CDH12: variants seen among roughly 807,000 people sequenced by gnomAD.
The protein encoded by CDH12 is cadherin-12.
Under a neutral mutation model 74.1 loss-of-function variants are expected in CDH12, and 41 were observed. The observed-to-expected ratio is 0.55, with a 90% CI of 0.43 to 0.72. CDH12 has a LOEUF of 0.72. Among genes scored for constraint, CDH12 ranks in the 30% least tolerant of loss-of-function variants. The pLI is 0.00. For missense variants in CDH12, 945 were observed against 977.2 expected, an observed-to-expected ratio of 0.97 and a Z score of 0.44; for synonymous variants, 399 against 355.0, an observed-to-expected ratio of 1.12 and a Z score of -1.39.
intron 2 of CDH12, among the ~76,000 whole-genome samples, chr5:22,501,466 G>A (rs1736140102): frequency 1.3e-5 from 2 of 152,084 alleles, no homozygotes; most frequent in South Asian, 4.1e-4. Context: ...GTCTGGTAGA[G>A]TCTACTTTGG....
At chr5:21,836,202 CTA>C (rs1275425381) in intron 8 of CDH12, among the ~76,000 whole-genome samples, 1 of 151,598 alleles carries the variant, frequency 6.6e-6, no homozygotes, top group Non-Finnish European at 1.5e-5. Context: ...TATAATACAA[CTA>C]TGTTTTATTC....
At chr5:21,776,477 C>T (rs536125209) in intron 11 of CDH12, among the ~76,000 whole-genome samples, 18 of 152,246 alleles carry the variant, frequency 1.2e-4, no homozygotes, top group South Asian at 4.1e-4. Flanking sequence ...AAGACCTGTT[C>T]GTGAATAGCA....
chr5:22,234,108 A>T (rs952107034), intron 3 of CDH12, among the ~76,000 whole-genome samples: 2 of 152,202 alleles, frequency 1.3e-5, no homozygotes, highest in African/African-American at 4.8e-5. Context: ...TAGGCTTTCA[A>T]ACTCATTTGT....
intron 2 of CDH12, among the ~76,000 whole-genome samples, chr5:22,461,659 C>T (rs1745530403): frequency 6.6e-6 from 1 of 151,774 alleles, no homozygotes; most frequent in Non-Finnish European, 1.5e-5. Context: ...ACATAGAAAA[C>T]TTTGAGGAGG....
At chr5:22,088,217 C>G (rs2150234791) in intron 4 of CDH12, among the ~76,000 whole-genome samples, 1 of 152,254 alleles carries the variant, frequency 6.6e-6, no homozygotes, top group East Asian at 1.9e-4. Context: ...TAGAAATGGT[C>G]TTAAGTGTAT....
chr5:22,493,245 T>C (rs954918597), intron 2 of CDH12, among the ~76,000 whole-genome samples: 3 of 152,150 alleles, frequency 2.0e-5, no homozygotes, highest in African/African-American at 4.8e-5. Flanking sequence ...ACTTCCTTGA[T>C]TGGCTTTATT....
intron 1 of CDH12, among the ~76,000 whole-genome samples, chr5:22,751,718 T>G (rs1192592001): frequency 1.3e-5 from 2 of 152,174 alleles, no homozygotes; most frequent in Non-Finnish European, 2.9e-5. Context: ...TTATTTGGTT[T>G]GGGTATGTTG....
At chr5:21,907,401 T>C (rs1224197566) in intron 6 of CDH12, among the ~76,000 whole-genome samples, 1 of 152,142 alleles carries the variant, frequency 6.6e-6, no homozygotes, top group Non-Finnish European at 1.5e-5. Context: ...GGGGACTATC[T>C]GTGAAACTGC....
At chr5:22,419,605 G>A (rs1743550025) in intron 2 of CDH12, among the ~76,000 whole-genome samples, 1 of 152,110 alleles carries the variant, frequency 6.6e-6, no homozygotes, top group Admixed American at 6.6e-5. Flanking sequence ...GCGCTGCAGT[G>A]AACATACATG....
intron 1 of CDH12, among the ~76,000 whole-genome samples, chr5:22,754,390 A>G (rs1486140622): frequency 6.6e-6 from 1 of 152,180 alleles, no homozygotes; most frequent in African/African-American, 2.4e-5. Context: ...ATGGGCATTG[A>G]GACAAGTGAA....
intron 3 of CDH12, among the ~76,000 whole-genome samples, chr5:22,230,684 T>A (rs1370791854): frequency 2.0e-5 from 3 of 151,900 alleles, no homozygotes; most frequent in African/African-American, 7.3e-5. Context: ...TTGGCCAGAA[T>A]GGTGTCGACC....
chr5:22,565,465 C>A (rs190923374), intron 1 of CDH12, among the ~76,000 whole-genome samples: 108 of 152,232 alleles, frequency 7.1e-4, no homozygotes, highest in Middle Eastern at 3.4e-3. Context: ...TATATTTTTA[C>A]AATTAACTCA....
rs574738242 is a variant in CDH12 at position 22,704,329 on chromosome 5, T to C, written c.-523+148729A>G. Among the ~76,000 whole-genome samples, 9 of 152,248 alleles carry C rather than the reference T, an allele frequency of 5.9e-5. No individual in the cohort carries two copies. In the South Asian group the frequency reaches 1.9e-3, roughly 32 times the overall value. On this transcript the variant is annotated intron_variant, in intron 1 of 14. Coordinates refer to ENST00000382254, the MANE Select transcript of CDH12 (RefSeq NM_004061.5). ...ACAGGTGCCACCACCATAAAGTCCT[T>C]AAAATAGTCCTGTTTTCTTGTAGTA...
At chr5:22,681,048 T>C (rs1741458373) in intron 1 of CDH12, among the ~76,000 whole-genome samples, 1 of 152,082 alleles carries the variant, frequency 6.6e-6, no homozygotes, top group East Asian at 1.9e-4. Flanking sequence ...TGCATTCAAG[T>C]AGAAGGTATC....
At chr5:22,367,707 T>G (rs1037232647) in intron 3 of CDH12, among the ~76,000 whole-genome samples, 1 of 152,316 alleles carries the variant, frequency 6.6e-6, no homozygotes, top group Non-Finnish European at 1.5e-5. Flanking sequence ...CAGGTAAATA[T>G]AGAAGCCCAT....
intron 1 of CDH12, among the ~76,000 whole-genome samples, chr5:22,603,357 A>G (rs996342478): frequency 1.3e-5 from 2 of 152,220 alleles, no homozygotes; most frequent in African/African-American, 2.4e-5. Context: ...GTTTCAGATA[A>G]GCAACCAATA....
chr5:22,142,819 T>C, intron 4 of CDH12: 1 of 253,196 alleles, frequency 3.9e-6, no homozygotes, highest in South Asian at 6.3e-5. Flanking sequence ...ATAATTATAG[T>C]CCTTTAAACA....
intron 6 of CDH12, among the ~76,000 whole-genome samples, chr5:21,960,444 G>T: frequency 6.6e-6 from 1 of 152,110 alleles, no homozygotes. Context: ...TAAACTGGGG[G>T]CTTTCTTCCC....
At chr5:22,502,936 T>C (rs1736232564) in intron 2 of CDH12, among the ~76,000 whole-genome samples, 1 of 152,132 alleles carries the variant, frequency 6.6e-6, no homozygotes, top group Admixed American at 6.6e-5. Context: ...TTGTGCCTTT[T>C]ATACATCTAT....
Sources: gnomAD v4.1 joint callset for allele counts (sites outside exome capture counted in the v4.1 genomes callset) on GRCh38, gnomAD v4.1.1 for gene constraint, MANE v1.5 for transcripts, NCBI Gene and HGNC (gene_info 2026-07-23, HGNC 2026-07-21) for gene names.